ZNF532: variants seen among roughly 807,000 people sequenced by gnomAD.
The protein encoded by ZNF532 is zinc finger protein 532.
ZNF532 carries 22 observed loss-of-function variants against 89.3 expected under a neutral mutation model. That is an observed-to-expected ratio of 0.25 (90% CI 0.18 to 0.35). The LOEUF is 0.35. Ranked by LOEUF, ZNF532 falls within the 10% of genes least tolerant of loss-of-function variation. The pLI, the probability that ZNF532 is intolerant of heterozygous loss-of-function variation, is 1.00. For missense variants in ZNF532, 1,132 were observed against 1,643.4 expected, an observed-to-expected ratio of 0.69 and a Z score of 5.38; for synonymous variants, 606 against 649.6, an observed-to-expected ratio of 0.93 and a Z score of 1.02.
At chr18:58,982,841 G>A (rs544629476) in intron 9 of ZNF532, among the ~76,000 whole-genome samples, 14 of 152,226 alleles carry the variant, frequency 9.2e-5, no homozygotes, top group African/African-American at 2.6e-4. Context: ...AAGCCAAGGC[G>A]TGGTGGCTCA....
intron 7 of ZNF532, among the ~76,000 whole-genome samples, chr18:58,955,337 A>G (rs1256337977): frequency 1.3e-5 from 2 of 152,202 alleles, no homozygotes; most frequent in East Asian, 3.8e-4. Context: ...AATACCAGCT[A>G]CCAGCTTGTC....
chr18:58,973,831 C>T (rs2066735939), intron 7 of ZNF532, among the ~76,000 whole-genome samples: 1 of 152,150 alleles, frequency 6.6e-6, no homozygotes, highest in Admixed American at 6.5e-5. Context: ...CCAATAGACC[C>T]AACAGCGTGG....
intron 2 of ZNF532, among the ~76,000 whole-genome samples, chr18:58,912,402 TTGAC>T (rs1301480784): frequency 2.6e-5 from 4 of 152,248 alleles, no homozygotes; most frequent in Non-Finnish European, 4.4e-5. Flanking sequence ...CATTTGTTCT[TTGAC>T]TGTGCGTATA....
At position 58,920,204 on chromosome 18, in the gene ZNF532, C is replaced by T. The variant is rs751810217; in HGVS notation, c.1917C>T (p.Ser639=). 26 of 1,613,502 alleles carry T rather than the reference C, an allele frequency of 1.6e-5. No individual in the cohort carries two copies. The highest frequency in any genetic ancestry group is 1.8e-5 in the Non-Finnish European group (21 of 1,179,568). The part of the protein sequence containing the change: ...KSLTQHYDRR[S]VRIEVTCNHC... ...TGACCCAGCACTACGACAGACGGAG[C>T]GTGCGCATCGAAGTAACGTGCAACC... Residue 639 remains serine (S), a synonymous_variant, in exon 3 of 10, where the codon AGC becomes AGT. Coordinates refer to ENST00000591808, the MANE Select transcript of ZNF532 (RefSeq NM_001375912.1).
At chr18:58,897,695 G>A (rs2059337272) in intron 2 of ZNF532, among the ~76,000 whole-genome samples, 1 of 152,222 alleles carries the variant, frequency 6.6e-6, no homozygotes, top group African/African-American at 2.4e-5. Flanking sequence ...GCTCACACCT[G>A]TAATCCCAGC....
At chr18:58,958,065 C>CAA (rs71336311) in intron 7 of ZNF532, among the ~76,000 whole-genome samples, 9,115 of 124,462 alleles carry the variant, frequency 0.073, 927 homozygotes, top group East Asian at 0.53. Context: ...GACAATGTGT[C>CAA]AAAAAAAAAA....
At chr18:58,870,092 T>TTTTG (rs1278600739) in intron 2 of ZNF532, among the ~76,000 whole-genome samples, 1 of 150,354 alleles carries the variant, frequency 6.7e-6, no homozygotes, top group Non-Finnish European at 1.5e-5. Flanking sequence ...TTTTTTTTTT[T>TTTTG]TTAAGGATAA....
chr18:58,868,194 A>G (rs1416270029), intron 2 of ZNF532, among the ~76,000 whole-genome samples: 1 of 152,238 alleles, frequency 6.6e-6, no homozygotes, highest in Non-Finnish European at 1.5e-5. Context: ...TCCATTCCCC[A>G]TCATGTACTC....
intron 6 of ZNF532, among the ~76,000 whole-genome samples, chr18:58,950,584 GT>G (rs760496731): frequency 1.2e-4 from 19 of 152,004 alleles, no homozygotes; most frequent in Non-Finnish European, 2.6e-4. Flanking sequence ...ACAGGCACAA[GT>G]TTTCTCCACA....
chr18:58,868,046 T>G (rs1255684067), intron 2 of ZNF532, among the ~76,000 whole-genome samples: 1 of 152,222 alleles, frequency 6.6e-6, no homozygotes, highest in African/African-American at 2.4e-5. Context: ...TTTCTTCTCT[T>G]GAAATGTTCT....
chr18:58,863,589 A>T (rs2056159651), upstream of ZNF532: 1 of 6,928 alleles, frequency 1.4e-4, no homozygotes, highest in South Asian at 1.8e-3. Context: ...GGGAACGCAG[A>T]TGACACGCCC....
intron 4 of ZNF532, among the ~76,000 whole-genome samples, chr18:58,936,384 A>T (rs1036361960): frequency 6.6e-6 from 1 of 152,264 alleles, no homozygotes; most frequent in Admixed American, 6.5e-5. Context: ...CTTTGCACTA[A>T]TGTCAAATTT....
chr18:58,885,573 G>A (rs1214321463), intron 2 of ZNF532, among the ~76,000 whole-genome samples: 1 of 152,082 alleles, frequency 6.6e-6, no homozygotes, highest in South Asian at 2.1e-4. Flanking sequence ...AATACAGTTG[G>A]ACTGGGCATG....
intron 3 of ZNF532, among the ~76,000 whole-genome samples, chr18:58,928,670 C>G (rs897870861): frequency 6.6e-6 from 1 of 152,194 alleles, no homozygotes; most frequent in Non-Finnish European, 1.5e-5. Context: ...GGATCACTAC[C>G]TTCCAGGGAG....
chr18:58,960,899 TAAA>T (rs570896704), intron 7 of ZNF532, among the ~76,000 whole-genome samples: 1 of 149,868 alleles, frequency 6.7e-6, no homozygotes, highest in African/African-American at 2.5e-5. Flanking sequence ...GCTTTTCACT[TAAA>T]AAAAAAATAA....
chr18:58,919,529 C>A lies in ZNF532; in HGVS notation c.1242C>A (p.Ala414=), dbSNP rs572042980. 1.2e-6 allele frequency: 2 copies of A among 1,614,050 alleles called. No individual in the cohort carries two copies. The highest frequency in any genetic ancestry group is 1.3e-5 in the African/African-American group (1 of 74,912). The change falls in exon 3 of 10, where the codon GCC becomes GCA. Residue 414 remains alanine, a synonymous_variant. Transcript: ENST00000591808. The surrounding 1 kb of genome is among the most constrained non-coding windows in gnomAD (Gnocchi z 6.1). ...TTCTGTCGTCTCCAGCATCAGCCGCCGTCCTTTCCTCTCCCCCCAGGGCGC... is the reference window on the plus strand; with the variant it reads ...TTCTGTCGTCTCCAGCATCAGCCGCAGTCCTTTCCTCTCCCCCCAGGGCGC... The part of the protein sequence containing the change: ...TSLLSSPASA[A]VLSSPPRAPL...
At chr18:58,915,475 G>A (rs2060536474) in intron 2 of ZNF532, among the ~76,000 whole-genome samples, 1 of 152,212 alleles carries the variant, frequency 6.6e-6, no homozygotes, top group African/African-American at 2.4e-5. Context: ...TGGAGAAAGA[G>A]TTGCTTCTCA....
chr18:58,963,603 ATGTGTGTGTGTGTGTGTGTGTGTG>A (rs60644289), intron 7 of ZNF532, among the ~76,000 whole-genome samples: 2 of 143,778 alleles, frequency 1.4e-5, no homozygotes, highest in Admixed American at 7.0e-5. Flanking sequence ...AAAGAAAAAA[ATGTGTGTGTGTGTGTGTGTGTGTG>A]TGTGTGTGTG....
chr18:58,932,280 G>A (rs2062026825), intron 3 of ZNF532: 1 of 152,216 alleles, frequency 6.6e-6, no homozygotes, highest in Admixed American at 6.5e-5. Context: ...GAGACATGAT[G>A]ATGATACATT....
Sources: gnomAD v4.1 joint callset for allele counts (sites outside exome capture counted in the v4.1 genomes callset) on GRCh38, gnomAD v4.1.1 for gene constraint, Gnocchi (gnomAD v3.1) non-coding constraint, MANE v1.5 for transcripts, NCBI Gene and HGNC (gene_info 2026-07-23, HGNC 2026-07-21) for gene names.